The following CHAF1A variants were observed in gnomAD, a reference collection of about 807,000 sequenced individuals.
CHAF1A encodes CAF-1 subunit A.
A neutral mutation model predicts 93.2 loss-of-function variants in CHAF1A; 5 were observed. That is an observed-to-expected ratio of 0.05 (90% CI 0.03 to 0.11). The LOEUF is 0.11. Among genes scored for constraint, CHAF1A ranks in the 10% least tolerant of loss-of-function variants. CHAF1A has a pLI of 1.00. For missense variants in CHAF1A, 1,102 were observed against 1,259.9 expected (o/e 0.87, Z 1.90); for synonymous variants, 504 against 510.3 (o/e 0.99, Z 0.17).
chr19:4,422,360 G>T lies in CHAF1A; in HGVS notation c.1018-206G>T, dbSNP rs552373271. Among the ~76,000 whole-genome samples the T allele has an allele frequency of 1.3e-3, 201 of 151,812 alleles. 4 individuals are homozygous for T. The highest frequency in any genetic ancestry group is 1.7e-3 in the Non-Finnish European group (115 of 68,002). On this transcript the variant is annotated intron_variant, in intron 4 of 14. Coordinates refer to ENST00000301280, the MANE Select transcript of CHAF1A (RefSeq NM_005483.3). This position sits in a 1 kb window ranked among gnomAD's most constrained non-coding sequence, Gnocchi z 4.6. Reference sequence around the variant, plus strand: ...GACAGGGTTTCACCCTGTTGACCAGGCTGGTCTCAAACTCCTGACCTCAGG... The same window carrying T: ...GACAGGGTTTCACCCTGTTGACCAGTCTGGTCTCAAACTCCTGACCTCAGG...
intron 1 of CHAF1A, 62 bp downstream of exon 1, chr19:4,402,876 G>T (rs1248502359): frequency 9.5e-7 from 1 of 1,054,810 alleles, no homozygotes; most frequent in Non-Finnish European, 1.2e-6. Context: ...ACGGGCCGAG[G>T]CGGCGATGGG....
At chr19:4,435,123 C>T (rs567007496) in intron 13 of CHAF1A, among the ~76,000 whole-genome samples, 142 of 122,948 alleles carry the variant, frequency 1.2e-3, no homozygotes, top group Non-Finnish European at 1.3e-3. Context: ...GACAGTCTCG[C>T]GCTGTTGCCC....
intron 7 of CHAF1A, among the ~76,000 whole-genome samples, 190 bp from the exon 8 acceptor site, chr19:4,428,474 G>C (rs1948571092): frequency 6.6e-6 from 1 of 152,114 alleles, no homozygotes; most frequent in Non-Finnish European, 1.5e-5. Flanking sequence ...CGGCCCTTGA[G>C]ACTGCCAATC....
chr19:4,423,912 C>T, intron 7 of CHAF1A, 38 bp downstream of exon 7: 1 of 1,583,236 alleles, frequency 6.3e-7, no homozygotes, highest in Non-Finnish European at 8.7e-7. Context: ...GGTTTCAGCT[C>T]TGCTAGACTT....
chr19:4,443,861 A>T (rs2145161084), downstream of CHAF1A, among the ~76,000 whole-genome samples: 1 of 152,084 alleles, frequency 6.6e-6, no homozygotes, highest in South Asian at 2.1e-4. Context: ...TGAGCAGCTC[A>T]GAGCACACGC....
intron 12 of CHAF1A, 55 bp downstream of exon 12, chr19:4,432,262 G>A: frequency 1.3e-6 from 2 of 1,532,970 alleles, no homozygotes; most frequent in South Asian, 1.2e-5. Flanking sequence ...GCTAATTCCA[G>A]GGCTGAGGGC....
At chr19:4,448,204 T>C (rs1974578723), downstream of CHAF1A, 1 of 993,814 alleles carries the variant, frequency 1.0e-6, no homozygotes, top group Non-Finnish European at 1.5e-6. Context: ...CCTATGCTCC[T>C]TCCCAACCCA....
chr19:4,409,605 G>A lies in CHAF1A; in HGVS notation c.806G>A (p.Ser269Asn), dbSNP rs2145070857. 5.0e-6 allele frequency: 8 copies of A among 1,614,148 alleles called. No homozygotes were observed. Among genetic ancestry groups the A allele is most frequent in the Non-Finnish European group, 5.1e-6 (6 of 1,180,022 alleles). ...CAAGGCAAGAACATGACCCCTGAGAGTGAGGTGCTGGAATCTTTCCCCGAA... is the reference window on the plus strand; with the variant it reads ...CAAGGCAAGAACATGACCCCTGAGAATGAGGTGCTGGAATCTTTCCCCGAA... ...TPQGKNMTPE[S>N]EVLESFPEED... Residue 269 changes from serine (S) to asparagine (N), a missense_variant, in exon 3 of 15, where the codon AGT becomes AAT. Transcript: ENST00000301280.
chr19:4,429,635 C>G, intron 9 of CHAF1A, 29 bp downstream of exon 9: 1 of 1,614,130 alleles, frequency 6.2e-7, no homozygotes, highest in Non-Finnish European at 8.5e-7. Context: ...GCCTCCGTCC[C>G]CGTACCTCCT....
At chr19:4,447,650 G>A (rs375116712), downstream of CHAF1A, 1 of 1,613,064 alleles carries the variant, frequency 6.2e-7, no homozygotes, top group Non-Finnish European at 8.5e-7. Context: ...GAAGGTGAGT[G>A]GGGCACAGCC....
chr19:4,439,913 C>G (rs1423438991), intron 13 of CHAF1A, among the ~76,000 whole-genome samples: 2 of 152,146 alleles, frequency 1.3e-5, no homozygotes, highest in Non-Finnish European at 2.9e-5. Context: ...TCTCCTGTGT[C>G]CTCACAGGGT....
At chr19:4,431,873 G>C (rs962022397) in intron 11 of CHAF1A, 79 bp from the exon 12 acceptor site, 1 of 1,520,992 alleles carries the variant, frequency 6.6e-7, no homozygotes, top group Non-Finnish European at 8.9e-7. Flanking sequence ...CCAGCTGGCT[G>C]GGGACTGGTT....
chr19:4,441,234 T>A (rs1263046972), intron 13 of CHAF1A, among the ~76,000 whole-genome samples: 1 of 151,868 alleles, frequency 6.6e-6, no homozygotes, highest in South Asian at 2.1e-4. Flanking sequence ...GGAGAATCAC[T>A]TGAACCTGGG....
chr19:4,436,202 G>A (rs1406550517), intron 13 of CHAF1A, among the ~76,000 whole-genome samples: 1 of 152,076 alleles, frequency 6.6e-6, no homozygotes, highest in African/African-American at 2.4e-5. Context: ...AATGGCTCCT[G>A]AGATGATGCT....
At position 4,433,067 on chromosome 19, in the gene CHAF1A, C is replaced by A; in HGVS notation, c.2204-3C>A. On this transcript the variant is annotated splice_region_variant and splice_polypyrimidine_tract_variant and intron_variant, in intron 12 of 14. Transcript: ENST00000301280. The surrounding 1 kb of genome is among the most constrained non-coding windows in gnomAD (Gnocchi z 5.6). Reference sequence around the variant, plus strand: ...CATGCCCACCCATGTTCCCTCCTGCCAGTCCTGGCCCAGCTGCTGCCGCTC... The same window carrying A: ...CATGCCCACCCATGTTCCCTCCTGCAAGTCCTGGCCCAGCTGCTGCCGCTC... 6.4e-7 allele frequency: 1 copy of A among 1,552,930 alleles called. No homozygotes were observed. Among genetic ancestry groups the A allele is most frequent in the South Asian group, 1.2e-5 (1 of 83,966 alleles).
In CHAF1A at chr19:4,432,098, C is replaced by T. The variant is rs150170817; in HGVS notation, c.2094C>T (p.Gly698=). Residue 698 remains glycine, a synonymous_variant, in exon 12 of 15, where the codon GGC becomes GGT. Transcript: ENST00000301280. The part of the protein sequence containing the change: ...CVWAADRDCA[G]DDLKVLQQFA... ...GGGCGGCTGACAGAGACTGCGCAGG[C>T]GATGACCTGAAGGTACTGCAGCAGT... 2.8e-5 allele frequency: 45 copies of T among 1,613,938 alleles called. No homozygotes were observed. The East Asian group carries it at 5.6e-4, about 20-fold the overall frequency.
rs1278554419 is a variant in CHAF1A, at chr19:4,443,098, C to T, written c.*73C>T. The stretch of plus-strand genomic sequence containing the variant: ...GCAGATACTTGAACCGACTCAATTC[C>T]TGTGTAAAGAGCACTTTGTCCTGCT... On this transcript the variant is annotated 3_prime_UTR_variant, in exon 15 of 15. Coordinates refer to ENST00000301280, the MANE Select transcript of CHAF1A (RefSeq NM_005483.3). The T allele has an allele frequency of 3.0e-6, 3 of 983,718 alleles. No individual in the cohort carries two copies. Among genetic ancestry groups the T allele is most frequent in the African/African-American group, 3.2e-5 (2 of 62,252 alleles). The allele number at this position is 983,718 out of a possible 1,614,324, so 60.9% of individuals were successfully genotyped here.
intron 10 of CHAF1A, 143 bp downstream of exon 10, chr19:4,429,931 A>G (rs1280587135): frequency 5.9e-6 from 4 of 681,914 alleles, no homozygotes; most frequent in East Asian, 5.5e-5. Context: ...TGAAACCTGA[A>G]CGCACCTCAA....
At chr19:4,446,389 G>T, downstream of CHAF1A, 1 of 1,577,312 alleles carries the variant, frequency 6.3e-7, no homozygotes, top group Admixed American at 1.8e-5. Flanking sequence ...TCCGCAGCAC[G>T]CTCAGCCGCT....
Sources: gnomAD v4.1 joint callset for allele counts (sites outside exome capture counted in the v4.1 genomes callset) on GRCh38, gnomAD v4.1.1 for gene constraint, Gnocchi (gnomAD v3.1) non-coding constraint, MANE v1.5 for transcripts, NCBI Gene and HGNC (gene_info 2026-07-23, HGNC 2026-07-21) for gene names.